Variants in PBX1 observed in about 807,000 individuals in gnomAD.
PBX1 encodes the protein pre-B-cell leukemia transcription factor 1.
Under a neutral mutation model 53.4 loss-of-function variants are expected in PBX1, and 6 were observed. That is an observed-to-expected ratio of 0.11 (90% CI 0.06 to 0.22). The LOEUF (loss-of-function observed/expected upper bound fraction) is 0.22. Ranked by LOEUF, PBX1 falls within the 10% of genes least tolerant of loss-of-function variation. The probability of loss-of-function intolerance (pLI) is 1.00; values close to 1 mark genes in which losing one functional copy is unlikely to be tolerated. For synonymous variants in PBX1, 204 were observed against 212.3 expected, an observed-to-expected ratio of 0.96 and a Z score of 0.34; for missense variants, 251 against 551.4, an observed-to-expected ratio of 0.46 and a Z score of 5.46.
At chr1:164,562,452 TACACACACAC>T (rs6143458) in intron 1 of PBX1, among the ~76,000 whole-genome samples, 72 of 143,392 alleles carry the variant, frequency 5.0e-4, no homozygotes, top group East Asian at 9.3e-4. Flanking sequence ...GCATTCAGAA[TACACACACAC>T]ACACACACAC....
In PBX1 at chr1:164,846,854, CT is replaced by C; in HGVS notation, c.*181del. The C allele has an allele frequency of 7.0e-7, 1 of 1,426,754 alleles. No homozygotes were observed. The highest frequency in any genetic ancestry group is 1.4e-5 in the African/African-American group (1 of 69,888). The allele number at this position is 1,426,754 out of a possible 1,614,324, so 88.4% of individuals were successfully genotyped here. Reference sequence around the variant, plus strand: ...GCTATTTCAGCCAATCTGGACACTTCTTTATACTCTCTTCCCTTTTTTTTCT... The same window carrying C: ...GCTATTTCAGCCAATCTGGACACTTCTTATACTCTCTTCCCTTTTTTTTCT... On this transcript the variant is annotated 3_prime_UTR_variant, in exon 9 of 9. Coordinates refer to ENST00000420696, the MANE Select transcript of PBX1 (RefSeq NM_002585.4).
At chr1:164,572,974 C>T (rs925445992) in intron 2 of PBX1, among the ~76,000 whole-genome samples, 1 of 152,026 alleles carries the variant, frequency 6.6e-6, no homozygotes, top group South Asian at 2.1e-4. Flanking sequence ...TCGGGCAAAA[C>T]GCAGCAAAAG....
At chr1:164,828,733 A>C (rs1670599521) in intron 8 of PBX1, 2 of 152,086 alleles carry the variant, frequency 1.3e-5, no homozygotes, top group South Asian at 4.1e-4. Context: ...ATGTCAGCAA[A>C]TATTAAGGCA....
At chr1:164,805,733 C>T (rs1669316581) in intron 4 of PBX1, among the ~76,000 whole-genome samples, 1 of 152,208 alleles carries the variant, frequency 6.6e-6, no homozygotes, top group Non-Finnish European at 1.5e-5. Flanking sequence ...CTATCTTCCT[C>T]AAATTCCCAT....
chr1:164,775,311 T>C (rs1428246560), intron 2 of PBX1, among the ~76,000 whole-genome samples: 2 of 152,084 alleles, frequency 1.3e-5, no homozygotes, highest in African/African-American at 4.8e-5. Context: ...TCTGATTAGG[T>C]TTGCAAGGCG....
intron 2 of PBX1, among the ~76,000 whole-genome samples, chr1:164,697,493 A>G (rs1220346066): frequency 1.3e-5 from 2 of 152,226 alleles, no homozygotes; most frequent in East Asian, 3.8e-4. Context: ...TCATTTTTAT[A>G]CGTCCCCTTC....
At chr1:164,816,375 A>G (rs1209099572) in intron 6 of PBX1, 2 of 152,350 alleles carry the variant, frequency 1.3e-5, no homozygotes, top group African/African-American at 2.4e-5. Context: ...TGAGAGTCCA[A>G]TCTAATCAAG....
chr1:164,792,187 C>T (rs1048916227), intron 2 of PBX1, among the ~76,000 whole-genome samples: 3 of 152,152 alleles, frequency 2.0e-5, no homozygotes, highest in East Asian at 3.9e-4. Flanking sequence ...ATTCTGCGCT[C>T]ATTAAACAAT....
intron 2 of PBX1, among the ~76,000 whole-genome samples, chr1:164,696,807 ACT>A (rs1252045854): frequency 1.3e-5 from 2 of 151,936 alleles, no homozygotes; most frequent in East Asian, 3.9e-4. Context: ...TTAGAATCAT[ACT>A]CTGTTTTCAG....
intron 2 of PBX1, among the ~76,000 whole-genome samples, chr1:164,668,580 T>C (rs1660943867): frequency 6.6e-6 from 1 of 151,916 alleles, no homozygotes; most frequent in Non-Finnish European, 1.5e-5. Flanking sequence ...CAAAATCACT[T>C]GGCCACAGCC....
chr1:164,560,640 A>C (rs1652973788), intron 1 of PBX1, among the ~76,000 whole-genome samples: 1 of 152,020 alleles, frequency 6.6e-6, no homozygotes, highest in African/African-American at 2.4e-5. Context: ...TTTTGCATTC[A>C]CTTAATTTTG....
chr1:164,668,150 C>T (rs1406488513), intron 2 of PBX1, among the ~76,000 whole-genome samples: 1 of 152,256 alleles, frequency 6.6e-6, no homozygotes, highest in Non-Finnish European at 1.5e-5. Context: ...TCATCTGTTC[C>T]CAACAGTCAG....
intron 2 of PBX1, among the ~76,000 whole-genome samples, chr1:164,629,291 A>T (rs1658255882): frequency 6.6e-6 from 1 of 152,134 alleles, no homozygotes; most frequent in Non-Finnish European, 1.5e-5. Context: ...GAGTGGTTGG[A>T]TGCATAGTAA....
intron 2 of PBX1, among the ~76,000 whole-genome samples, chr1:164,883,584 T>G (rs929402088): frequency 3.3e-5 from 5 of 152,080 alleles, no homozygotes; most frequent in African/African-American, 1.2e-4. Context: ...TATTGATAGA[T>G]TTTTTTTAAG....
intron 2 of PBX1, among the ~76,000 whole-genome samples, chr1:164,620,849 A>G (rs1264014096): frequency 4.0e-5 from 6 of 151,526 alleles, no homozygotes; most frequent in African/African-American, 1.5e-4. Flanking sequence ...CGCCAAGCTA[A>G]TTTTTATATT....
intron 6 of PBX1, chr1:164,814,903 A>AT (rs372064948): frequency 6.6e-4 from 100 of 150,996 alleles, no homozygotes; most frequent in African/African-American, 1.9e-3. Flanking sequence ...CTTAAGCATA[A>AT]TTTTTTTTTT....
rs554584941 is a variant in PBX1 at position 164,607,999 on chromosome 1, G to T, written c.265+44688G>T. Among the ~76,000 whole-genome samples, 6 of 152,270 alleles carry T rather than the reference G, an allele frequency of 3.9e-5. 1 individual carries two copies. The South Asian group carries it at 1.2e-3, about 32-fold the overall frequency. The stretch of plus-strand genomic sequence containing the variant: ...CAGGGATAAAAAGTGTTTCATCTTT[G>T]TGCATAGGCCAGAAATGGCAAATAG... On this transcript the variant is annotated intron_variant, in intron 2 of 8. Coordinates refer to ENST00000420696, the MANE Select transcript of PBX1 (RefSeq NM_002585.4).
chr1:164,593,838 G>C (rs576743421), intron 2 of PBX1, among the ~76,000 whole-genome samples: 1 of 152,232 alleles, frequency 6.6e-6, no homozygotes, highest in East Asian at 1.9e-4. Context: ...CTGCATGACT[G>C]TTCTGAGAAT....
At chr1:164,842,134 C>T (rs1571512401) in intron 8 of PBX1, among the ~76,000 whole-genome samples, 1 of 152,114 alleles carries the variant, frequency 6.6e-6, no homozygotes, top group South Asian at 2.1e-4. Flanking sequence ...AGCCGCTGCT[C>T]AGGGCTAAAA....
Sources: gnomAD v4.1 joint callset for allele counts (sites outside exome capture counted in the v4.1 genomes callset) on GRCh38, gnomAD v4.1.1 for gene constraint, MANE v1.5 for transcripts, NCBI Gene and HGNC (gene_info 2026-07-23, HGNC 2026-07-21) for gene names.